Variants in TBC1D19 observed in about 807,000 individuals in gnomAD.
TBC1D19 encodes the protein TBC1 domain family, member 19.
A neutral mutation model predicts 89.0 loss-of-function variants in TBC1D19; 60 were observed. The observed-to-expected ratio is 0.67, with a 90% confidence interval of 0.55 to 0.84. The LOEUF (loss-of-function observed/expected upper bound fraction) is 0.84, where lower values mean the gene tolerates loss of function less well. TBC1D19 is among the 40% of genes least tolerant of loss of function. TBC1D19 has a pLI of 0.00. For missense variants in TBC1D19, 500 were observed against 610.8 expected (o/e 0.82, Z 1.91); for synonymous variants, 189 against 199.7 (o/e 0.95, Z 0.45).
intron 15 of TBC1D19, among the ~76,000 whole-genome samples, chr4:26,728,246 AGT>A (rs1717430662): frequency 6.6e-6 from 1 of 152,326 alleles, no homozygotes; most frequent in Admixed American, 6.5e-5. Flanking sequence ...GGAAGGCAAA[AGT>A]GTTTTTTAAG....
the TBC1D19 span, among the ~76,000 whole-genome samples, chr4:26,809,145 G>C: frequency 6.6e-6 from 1 of 152,176 alleles, no homozygotes; most frequent in East Asian, 1.9e-4. Context: ...TGTAGAAGCT[G>C]GTCTGAATAG....
chr4:26,814,598 A>G, the TBC1D19 span, among the ~76,000 whole-genome samples: 5 of 152,208 alleles, frequency 3.3e-5, no homozygotes, highest in African/African-American at 1.2e-4. Context: ...ACAGTGCTTT[A>G]GTCTTATACT....
In TBC1D19 at chr4:26,709,035, T is replaced by C. The variant is rs527281915; in HGVS notation, c.955-8898T>C. Among the ~76,000 whole-genome samples, 11 of 152,130 alleles carry C rather than the reference T, an allele frequency of 7.2e-5. No individual in the cohort carries two copies. In the South Asian group the frequency reaches 2.1e-3, roughly 29 times the overall value. On this transcript the variant is annotated intron_variant, in intron 13 of 20. Transcript: ENST00000264866. ...CATATGTTTCAAGTTCTTTGTATTATTTGTGATCTTGTTGTTGTTGTTGAA... is the reference window on the plus strand; with the variant it reads ...CATATGTTTCAAGTTCTTTGTATTACTTGTGATCTTGTTGTTGTTGTTGAA...
the TBC1D19 span, among the ~76,000 whole-genome samples, chr4:26,773,361 A>C: frequency 6.6e-6 from 1 of 152,194 alleles, no homozygotes; most frequent in Non-Finnish European, 1.5e-5. Context: ...GATTCTGGAT[A>C]TTAGACCTTT....
At chr4:26,667,646 A>G (rs1235462878) in intron 9 of TBC1D19, among the ~76,000 whole-genome samples, 6 of 152,068 alleles carry the variant, frequency 3.9e-5, no homozygotes, top group Non-Finnish European at 7.4e-5. Context: ...AGATAAGGCT[A>G]CTATGATCAT....
chr4:26,776,522 C>G, the TBC1D19 span, among the ~76,000 whole-genome samples: 1 of 152,126 alleles, frequency 6.6e-6, no homozygotes, highest in African/African-American at 2.4e-5. Context: ...GTCCATTTAA[C>G]CCCTTAGTCT....
intron 1 of TBC1D19, chr4:26,576,858 A>G (rs1217644913): frequency 2.2e-6 from 1 of 456,070 alleles, no homozygotes; most frequent in Non-Finnish European, 4.4e-6. Flanking sequence ...AACCTGTTGT[A>G]TCTGTTGGGA....
chr4:26,662,343 A>G (rs1014826245), intron 8 of TBC1D19, among the ~76,000 whole-genome samples: 3 of 152,196 alleles, frequency 2.0e-5, no homozygotes, highest in African/African-American at 2.4e-5. Context: ...TAGTATGCCA[A>G]AAAATACATA....
the TBC1D19 span, among the ~76,000 whole-genome samples, chr4:26,836,361 A>C: frequency 6.6e-6 from 1 of 152,228 alleles, no homozygotes; most frequent in Non-Finnish European, 1.5e-5. Flanking sequence ...ATGAATTCAA[A>C]GAGACCCATG....
At chr4:26,818,834 GC>G in the TBC1D19 span, among the ~76,000 whole-genome samples, 2 of 152,168 alleles carry the variant, frequency 1.3e-5, no homozygotes, top group Non-Finnish European at 2.9e-5. Flanking sequence ...CACCTTAGTT[GC>G]CCAGGTACCC....
intron 7 of TBC1D19, among the ~76,000 whole-genome samples, chr4:26,658,434 C>T (rs554754009): frequency 1.2e-4 from 19 of 152,068 alleles, no homozygotes; most frequent in Non-Finnish European, 2.4e-4. Context: ...CTGTTCTGTT[C>T]CATTGGCCTA....
At chr4:26,722,142 T>C (rs1717019678) in intron 15 of TBC1D19, among the ~76,000 whole-genome samples, 1 of 152,192 alleles carries the variant, frequency 6.6e-6, no homozygotes, top group African/African-American at 2.4e-5. Flanking sequence ...TAGCATGTAA[T>C]AGGACTGTAA....
chr4:26,652,477 C>T lies in TBC1D19; in HGVS notation c.481-7120C>T, dbSNP rs889285806. 2.0e-5 allele frequency among the ~76,000 whole-genome samples: 3 copies of T among 152,250 alleles called. No individual in the cohort carries two copies. The South Asian group carries it at 6.2e-4, about 32-fold the overall frequency. On this transcript the variant is annotated intron_variant, in intron 7 of 20. Transcript: ENST00000264866. Reference sequence around the variant, plus strand: ...CAGGTCTCGAACTCCTGGGCTCAAGCTATCCTCCCACCTCTTGCCTCCCTG... The same window carrying T: ...CAGGTCTCGAACTCCTGGGCTCAAGTTATCCTCCCACCTCTTGCCTCCCTG...
At chr4:26,813,145 G>A in the TBC1D19 span, among the ~76,000 whole-genome samples, 2 of 152,144 alleles carry the variant, frequency 1.3e-5, no homozygotes, top group East Asian at 1.9e-4. Context: ...ATTTGAGCCC[G>A]GGAGGTTGAG....
At chr4:26,583,973 C>CT (rs1183141091), upstream of TBC1D19, 18 of 564,106 alleles carry the variant, frequency 3.2e-5, no homozygotes, top group East Asian at 3.0e-4. Flanking sequence ...CCGCCCCGGT[C>CT]TTTTTCCGCC....
At chr4:26,715,304 C>T (rs1193744717) in intron 13 of TBC1D19, among the ~76,000 whole-genome samples, 1 of 151,796 alleles carries the variant, frequency 6.6e-6, no homozygotes, top group South Asian at 2.1e-4. Flanking sequence ...TCAACTTCCA[C>T]ATGTTACTCT....
At chr4:26,799,343 GA>G in the TBC1D19 span, among the ~76,000 whole-genome samples, 1 of 151,756 alleles carries the variant, frequency 6.6e-6, no homozygotes, top group Admixed American at 6.6e-5. Flanking sequence ...TCTCAAAGAG[GA>G]AAAAAACAAA....
At chr4:26,760,396 C>T (rs1460340587), downstream of TBC1D19, among the ~76,000 whole-genome samples, 2 of 152,014 alleles carry the variant, frequency 1.3e-5, no homozygotes, top group African/African-American at 2.4e-5. Context: ...AACCACATCC[C>T]TACAAAAAAT....
At position 26,620,664 on chromosome 4, in the gene TBC1D19, T is replaced by G. The variant is rs141307850; in HGVS notation, c.270T>G (p.Pro90=). ...CACCTCCTGAACATCTTAAAGAACC[T>G]TTGGTATACATGAGGAAAGCACAGG... is the stretch of plus-strand genomic sequence containing the variant. ...PAAPPEHLKE[P]LVYMRKAQGS... Residue 90 remains proline (P), a synonymous_variant, in exon 4 of 21, where the codon CCT becomes CCG. Transcript: ENST00000264866. The G allele has an allele frequency of 2.3e-5, 37 of 1,613,750 alleles. No homozygotes were observed. The African/African-American group carries it at 4.8e-4, about 21-fold the overall frequency.
Sources: gnomAD v4.1 joint callset for allele counts (sites outside exome capture counted in the v4.1 genomes callset) on GRCh38, gnomAD v4.1.1 for gene constraint, MANE v1.5 for transcripts, NCBI Gene and HGNC (gene_info 2026-07-23, HGNC 2026-07-21) for gene names.